CRMP1: variants seen among roughly 807,000 people sequenced by gnomAD.
CRMP1 encodes the protein collapsin response mediator protein 1.
In CRMP1, 19 loss-of-function variants were observed where a neutral mutation model predicts 68.3. That is an observed-to-expected ratio of 0.28 (90% CI 0.19 to 0.41). CRMP1 has a LOEUF of 0.41. Among genes scored for constraint, CRMP1 ranks in the 10% least tolerant of loss-of-function variants. CRMP1 has a pLI of 1.00. For missense variants in CRMP1, 791 were observed against 967.4 expected, an observed-to-expected ratio of 0.82 and a Z score of 2.42; for synonymous variants, 439 against 399.6, an observed-to-expected ratio of 1.10 and a Z score of -1.18.
intron 2 of CRMP1, among the ~76,000 whole-genome samples, chr4:5,863,871 C>T (rs1270597001): frequency 3.9e-5 from 6 of 152,126 alleles, no homozygotes; most frequent in Non-Finnish European, 5.9e-5. Context: ...CCCTTCTCAG[C>T]CTGCAGGATG....
At chr4:5,851,680 G>T (rs1200256161) in intron 4 of CRMP1, among the ~76,000 whole-genome samples, 1 of 151,808 alleles carries the variant, frequency 6.6e-6, no homozygotes, top group African/African-American at 2.4e-5. Flanking sequence ...GAATCTGAAG[G>T]TGATGGAGGA....
rs1711987750 is a variant in CRMP1 at position 5,843,952 on chromosome 4, A to G, written c.964-791T>C. ...AGTTTCTTTGTCCCAGGAACACTTT[A>G]ATTTCTAAAATAAAAAATAAAAAAA... On this transcript the variant is annotated intron_variant, in intron 6 of 13. Coordinates refer to ENST00000324989, the MANE Select transcript of CRMP1 (RefSeq NM_001014809.3). This position sits in a 1 kb window ranked among gnomAD's most constrained non-coding sequence, Gnocchi z 4.1. Among the ~76,000 whole-genome samples the G allele has an allele frequency of 6.9e-6, 1 of 145,822 alleles. No individual in the cohort carries two copies. The highest frequency in any genetic ancestry group is 1.5e-5 in the Non-Finnish European group (1 of 66,924).
Position 5,849,508 on chromosome 4 carries a change from A to T in CRMP1, c.883-36T>A, listed in dbSNP as rs2276876. ...ATAAACAGGGGTTGGTGTGAGATTT[A>T]AAAAAAAAAAAAAATCACAGCGTGT... On this transcript the variant is annotated intron_variant, in intron 5 of 13. Coordinates refer to ENST00000324989, the MANE Select transcript of CRMP1 (RefSeq NM_001014809.3). The T allele has an allele frequency of 1.9e-3, 470 of 250,602 alleles. No individual in the cohort carries two copies. The East Asian group carries it at 0.036, about 19-fold the overall frequency. The allele number at this position is 250,602 out of a possible 1,614,324, so 15.5% of individuals were successfully genotyped here.
rs957607180 is a variant in CRMP1, at chr4:5,842,817, C to T, written c.1032+276G>A. Among the ~76,000 whole-genome samples, 10 of 152,128 alleles carry T rather than the reference C, an allele frequency of 6.6e-5. No homozygotes were observed. Among genetic ancestry groups the T allele is most frequent in the African/African-American group, 2.4e-4 (10 of 41,432 alleles). ...TCCACTTTCCTATTATCCACTATGCCATGTCCTCCATGAGAATCCGTATCC... is the reference window on the plus strand; with the variant it reads ...TCCACTTTCCTATTATCCACTATGCTATGTCCTCCATGAGAATCCGTATCC... On this transcript the variant is annotated intron_variant, in intron 7 of 13. Transcript: ENST00000324989. The surrounding 1 kb of genome is among the most constrained non-coding windows in gnomAD (Gnocchi z 4.5).
intron 13 of CRMP1, among the ~76,000 whole-genome samples, chr4:5,822,424 T>C (rs1314146818): frequency 6.6e-6 from 1 of 150,882 alleles, no homozygotes; most frequent in Non-Finnish European, 1.5e-5. Flanking sequence ...CATGTGCATA[T>C]GTGTGTGCAT....
rs753708655 is a variant in CRMP1 at position 5,860,055 on chromosome 4, A to G, written c.655+971T>C. Among the ~76,000 whole-genome samples the G allele has an allele frequency of 2.0e-5, 3 of 152,124 alleles. No homozygotes were observed. The highest frequency in any genetic ancestry group is 4.4e-5 in the Non-Finnish European group (3 of 68,034). Reference sequence around the variant, plus strand: ...GGGCTGCACAGGGCAATGGAGGAGGAGTCCAGTTTCCCAGACCGAGCACTG... The same window carrying G: ...GGGCTGCACAGGGCAATGGAGGAGGGGTCCAGTTTCCCAGACCGAGCACTG... On this transcript the variant is annotated intron_variant, in intron 3 of 13. Transcript: ENST00000324989. This position sits in a 1 kb window ranked among gnomAD's most constrained non-coding sequence, Gnocchi z 4.2.
In CRMP1 at chr4:5,858,246, G is replaced by A. The variant is rs924276472; in HGVS notation, c.656-1939C>T. Among the ~76,000 whole-genome samples, 1 of 151,930 alleles carries A rather than the reference G, an allele frequency of 6.6e-6. No homozygotes were observed. Among genetic ancestry groups the A allele is most frequent in the Non-Finnish European group, 1.5e-5 (1 of 68,012 alleles). On this transcript the variant is annotated intron_variant, in intron 3 of 13. Coordinates refer to ENST00000324989, the MANE Select transcript of CRMP1 (RefSeq NM_001014809.3). The surrounding 1 kb of genome is among the most constrained non-coding windows in gnomAD (Gnocchi z 5.5). The stretch of plus-strand genomic sequence containing the variant: ...GACTCCATCCCCTACTGTTCACTAT[G>A]CTTACTAATTGGATCCCTTTTCTTT...
In CRMP1 at chr4:5,861,096, C is replaced by T. The variant is rs773904489; in HGVS notation, c.585G>A (p.Gln195=). Residue 195 remains glutamine (Q), a synonymous_variant, in exon 3 of 14, where the codon CAG becomes CAA. Transcript: ENST00000324989. The surrounding 1 kb of genome is among the most constrained non-coding windows in gnomAD (Gnocchi z 6.0). ...AGAAGTCATCAGCCGCAGTCATCCC[C>T]TGGGAGGGCTTCTGCAGGTACGTGT... The part of the protein sequence containing the change: ...DVNTYLQKPS[Q]GMTAADDFFQ... The T allele has an allele frequency of 9.3e-6, 15 of 1,614,114 alleles. No individual in the cohort carries two copies. The highest frequency in any genetic ancestry group is 2.7e-5 in the African/African-American group (2 of 74,934).
intron 12 of CRMP1, chr4:5,826,052 TCA>T (rs1719560710): frequency 3.5e-6 from 1 of 287,226 alleles, no homozygotes; most frequent in African/African-American, 2.3e-5. Context: ...AAAGGCATAC[TCA>T]CATATGTATA....
chr4:5,875,934 T>C (rs987476877), intron 1 of CRMP1, among the ~76,000 whole-genome samples: 2 of 152,056 alleles, frequency 1.3e-5, no homozygotes, highest in East Asian at 1.9e-4. Flanking sequence ...GGGTGGATCA[T>C]GAGGTCAGGA....
In CRMP1 at chr4:5,851,429, G is replaced by C; in HGVS notation, c.861C>G (p.Val287=). The change falls in exon 5 of 14, where the codon GTC becomes GTG. Residue 287 remains valine, a synonymous_variant. Coordinates refer to ENST00000324989, the MANE Select transcript of CRMP1 (RefSeq NM_001014809.3). ...SFQVYMAYKD[V]YQMSDSQLYE... is the part of the protein sequence containing the mutation. The stretch of plus-strand genomic sequence containing the variant: ...CTACCTGGCTGTCGGACATTTGGTA[G>C]ACATCCTTATAGGCCATGTAGACTT... 2 of 1,614,174 alleles carry C rather than the reference G, an allele frequency of 1.2e-6. No homozygotes were observed. The highest frequency in any genetic ancestry group is 1.7e-6 in the Non-Finnish European group (2 of 1,180,004).
At position 5,892,721 on chromosome 4, in the gene CRMP1, G is replaced by A; in HGVS notation, c.249C>T (p.Asp83=). The change falls in exon 1 of 14, where the codon GAC becomes GAT. Residue 83 remains aspartate, a synonymous_variant. Coordinates refer to ENST00000324989, the MANE Select transcript of CRMP1 (RefSeq NM_001014809.3). The surrounding 1 kb of genome is among the most constrained non-coding windows in gnomAD (Gnocchi z 8.6). ...VGLPGPGGSE[D]TASDVSEPSG... ...AGGGCTCGCTCACGTCGCTGGCCGTGTCCTCGCTGCCTCCCGGCCCTGGCA... is the reference window on the plus strand; with the variant it reads ...AGGGCTCGCTCACGTCGCTGGCCGTATCCTCGCTGCCTCCCGGCCCTGGCA... 1.6e-6 allele frequency: 2 copies of A among 1,229,822 alleles called. No individual in the cohort carries two copies. The highest frequency in any genetic ancestry group is 3.3e-5 in the South Asian group (1 of 30,160). The allele number at this position is 1,229,822 out of a possible 1,614,324, so 76.2% of individuals were successfully genotyped here.
chr4:5,886,536 A>C (rs557629705), intron 1 of CRMP1, among the ~76,000 whole-genome samples: 14 of 152,370 alleles, frequency 9.2e-5, no homozygotes, highest in African/African-American at 2.9e-4. Flanking sequence ...ACTTCAGCTT[A>C]GCAGACTGGG....
rs1360584321 is a variant in CRMP1, at chr4:5,842,854, T to C, written c.1032+239A>G. 6.6e-6 allele frequency among the ~76,000 whole-genome samples: 1 copy of C among 152,162 alleles called. No individual in the cohort carries two copies. Among genetic ancestry groups the C allele is most frequent in the Non-Finnish European group, 1.5e-5 (1 of 68,024 alleles). On this transcript the variant is annotated intron_variant, in intron 7 of 13. Coordinates refer to ENST00000324989, the MANE Select transcript of CRMP1 (RefSeq NM_001014809.3). This position sits in a 1 kb window ranked among gnomAD's most constrained non-coding sequence, Gnocchi z 4.5. ...GAGAATCCGTATCCACTTGGGACAC[T>C]GAAGCACCCACGGGGCCTTGGAGTG... is the stretch of plus-strand genomic sequence containing the variant.
At position 5,828,687 on chromosome 4, in the gene CRMP1, T is replaced by C. The variant is rs6818391; in HGVS notation, c.1624-19A>G. ...CCACCGCCTGCACCAACAGCCTCAGTGTTACTTCCCAGGATTTGCTCTGCC... is the reference window on the plus strand; with the variant it reads ...CCACCGCCTGCACCAACAGCCTCAGCGTTACTTCCCAGGATTTGCTCTGCC... On this transcript the variant is annotated intron_variant, in intron 11 of 13. Transcript: ENST00000324989. 1,509,531 of 1,610,902 alleles carry C rather than the reference T, an allele frequency of 0.94. 707,684 individuals carry two copies. Among genetic ancestry groups the C allele is most frequent in the East Asian group, 1 (44,759 of 44,772 alleles).
chr4:5,830,594 C>T (rs753967394), intron 11 of CRMP1, among the ~76,000 whole-genome samples: 4 of 152,206 alleles, frequency 2.6e-5, no homozygotes, highest in Non-Finnish European at 4.4e-5. Flanking sequence ...GAGTAACTAT[C>T]GTTTCCTAAT....
At chr4:5,856,399 T>TACCATCACCAGCATCATCATCATC (rs1713062008) in intron 3 of CRMP1, 92 bp from the exon 4 acceptor site, 1 of 1,076,942 alleles carries the variant, frequency 9.3e-7, no homozygotes, top group African/African-American at 1.6e-5. Context: ...TCACCATCAT[T>TACCATCACCAGCATCATCATCATC]ACCATCACCA....
chr4:5,853,531 G>A lies in CRMP1; in HGVS notation c.821-2062C>T, dbSNP rs1026500553. Among the ~76,000 whole-genome samples the A allele has an allele frequency of 6.6e-6, 1 of 152,154 alleles. No individual in the cohort carries two copies. The highest frequency in any genetic ancestry group is 2.4e-5 in the African/African-American group (1 of 41,426). On this transcript the variant is annotated intron_variant, in intron 4 of 13. Coordinates refer to ENST00000324989, the MANE Select transcript of CRMP1 (RefSeq NM_001014809.3). The surrounding 1 kb of genome is among the most constrained non-coding windows in gnomAD (Gnocchi z 4.7). ...CAGCCACCTCTATGGGGAACAGTAC[G>A]GAGGCTCCTCACAAAACTAAGAACT...
chr4:5,829,752 C>T (rs1261885811), intron 11 of CRMP1, among the ~76,000 whole-genome samples: 1 of 152,206 alleles, frequency 6.6e-6, no homozygotes, highest in Non-Finnish European at 1.5e-5. Flanking sequence ...TGCTACATTT[C>T]ATCAGGAGGA....
Sources: gnomAD v4.1 joint callset for allele counts (sites outside exome capture counted in the v4.1 genomes callset) on GRCh38, gnomAD v4.1.1 for gene constraint, Gnocchi (gnomAD v3.1) non-coding constraint, MANE v1.5 for transcripts, NCBI Gene and HGNC (gene_info 2026-07-23, HGNC 2026-07-21) for gene names.